The following TMEM117 variants were observed in gnomAD, a reference collection of about 807,000 sequenced individuals.
TMEM117 encodes transmembrane protein 117.
TMEM117 carries 27 observed loss-of-function variants against 52.4 expected under a neutral mutation model. That is an observed-to-expected ratio of 0.51 (90% CI 0.38 to 0.71). The LOEUF (loss-of-function observed/expected upper bound fraction) is 0.71, where lower values mean the gene tolerates loss of function less well. Ranked by LOEUF, TMEM117 falls within the 30% of genes least tolerant of loss-of-function variation. The pLI is 0.00. For synonymous variants in TMEM117, 215 were observed against 206.3 expected (o/e 1.04, Z -0.36); for missense variants, 556 against 630.5 (o/e 0.88, Z 1.26).
At chr12:43,876,255 C>T (rs150172843) in intron 2 of TMEM117, among the ~76,000 whole-genome samples, 1 of 152,114 alleles carries the variant, frequency 6.6e-6, no homozygotes. Flanking sequence ...GGTGTGGTGG[C>T]ATTCTCTGGC....
At chr12:44,365,272 C>A (rs527782825) in intron 6 of TMEM117, among the ~76,000 whole-genome samples, 6 of 152,066 alleles carry the variant, frequency 3.9e-5, no homozygotes, top group African/African-American at 1.4e-4. Flanking sequence ...ATTCCCTCCC[C>A]AGGTGCTCCA....
chr12:44,181,720 T>C lies in TMEM117; in HGVS notation c.511-29570T>C, dbSNP rs1187625881. Reference sequence around the variant, plus strand: ...TCTGTTCCATTGATCTATATCTCTGTTTTGGTACCAGTACCATGCTGTTTT... The same window carrying C: ...TCTGTTCCATTGATCTATATCTCTGCTTTGGTACCAGTACCATGCTGTTTT... On this transcript the variant is annotated intron_variant, in intron 4 of 7. Coordinates refer to ENST00000266534, the MANE Select transcript of TMEM117 (RefSeq NM_032256.3). 8.5e-3 allele frequency among the ~76,000 whole-genome samples: 1,284 copies of C among 151,408 alleles called. 13 individuals are homozygous for C. The highest frequency in any genetic ancestry group is 0.03 in the African/African-American group (1,223 of 41,310).
the TMEM117 span, among the ~76,000 whole-genome samples, chr12:43,809,759 G>A: frequency 6.6e-6 from 1 of 152,018 alleles, no homozygotes; most frequent in East Asian, 1.9e-4. Flanking sequence ...AACCCTTTGG[G>A]TTATAAAAAA....
At chr12:44,297,579 G>A (rs1592674637) in intron 5 of TMEM117, among the ~76,000 whole-genome samples, 1 of 152,254 alleles carries the variant, frequency 6.6e-6, no homozygotes, top group African/African-American at 2.4e-5. Context: ...CCTGTAAAGT[G>A]TATATATTTA....
At position 44,107,915 on chromosome 12, in the gene TMEM117, C is replaced by G. The variant is rs1263396111; in HGVS notation, c.411-35610C>G. 2.0e-5 allele frequency among the ~76,000 whole-genome samples: 3 copies of G among 152,146 alleles called. No homozygotes were observed. In the East Asian group the frequency reaches 5.8e-4, roughly 29 times the overall value. On this transcript the variant is annotated intron_variant, in intron 3 of 7. Coordinates refer to ENST00000266534, the MANE Select transcript of TMEM117 (RefSeq NM_032256.3). ...AAAGTTGCTCATGTCCTGCACTGAA[C>G]CAATTGAATAACACAGCAAAAGAGC...
intron 3 of TMEM117, among the ~76,000 whole-genome samples, chr12:43,945,386 G>A (rs1355891395): frequency 6.6e-6 from 1 of 152,050 alleles, no homozygotes; most frequent in African/African-American, 2.4e-5. Context: ...ACGCGATCTC[G>A]GCTCACTCAC....
chr12:44,391,478 G>A (rs1340032776), downstream of TMEM117, among the ~76,000 whole-genome samples: 3 of 151,952 alleles, frequency 2.0e-5, no homozygotes, highest in African/African-American at 7.3e-5. Context: ...TATTTTTGTA[G>A]TATCAGATTT....
At chr12:44,310,068 A>G (rs1311454305) in intron 6 of TMEM117, among the ~76,000 whole-genome samples, 2 of 152,212 alleles carry the variant, frequency 1.3e-5, no homozygotes, top group East Asian at 3.9e-4. Context: ...TTGTTACAAG[A>G]TTTTTTTGTG....
chr12:44,005,247 G>T (rs1946176117), intron 3 of TMEM117, among the ~76,000 whole-genome samples: 1 of 152,220 alleles, frequency 6.6e-6, no homozygotes, highest in Admixed American at 6.5e-5. Context: ...ATTTCTGGGT[G>T]ATTTGGTAAC....
chr12:44,099,812 A>C lies in TMEM117; in HGVS notation c.411-43713A>C, dbSNP rs573894351. ...CATATGTATATGGAGGAGCACTTTG[A>C]GAAGTCCACCAAAACAAGTGGGATA... On this transcript the variant is annotated intron_variant, in intron 3 of 7. Coordinates refer to ENST00000266534, the MANE Select transcript of TMEM117 (RefSeq NM_032256.3). Among the ~76,000 whole-genome samples, 113 of 152,136 alleles carry C rather than the reference A, an allele frequency of 7.4e-4. 1 individual carries two copies. The Middle Eastern group carries it at 0.014, about 18-fold the overall frequency.
At chr12:44,078,860 GCAC>G (rs1947427550) in intron 3 of TMEM117, among the ~76,000 whole-genome samples, 1 of 85,262 alleles carries the variant, frequency 1.2e-5, no homozygotes, top group Non-Finnish European at 2.4e-5. Context: ...CCCTCCCCTA[GCAC>G]CCCCCCACCC....
intron 3 of TMEM117, among the ~76,000 whole-genome samples, chr12:44,129,677 A>G (rs1004307648): frequency 3.9e-5 from 6 of 152,154 alleles, no homozygotes; most frequent in Non-Finnish European, 8.8e-5. Context: ...GTCATGCATT[A>G]TGTATGTAAA....
At chr12:43,948,653 G>A (rs1945172751) in intron 3 of TMEM117, among the ~76,000 whole-genome samples, 1 of 152,114 alleles carries the variant, frequency 6.6e-6, no homozygotes, top group Admixed American at 6.5e-5. Context: ...AGGAGAAGGT[G>A]CTGATTCTGG....
At chr12:43,865,652 G>C (rs865794940) in intron 2 of TMEM117, among the ~76,000 whole-genome samples, 1 of 150,814 alleles carries the variant, frequency 6.6e-6, no homozygotes, top group East Asian at 1.9e-4. Flanking sequence ...AGCTGATATC[G>C]CACCACTGCA....
At chr12:44,328,351 C>T (rs1302086021) in intron 6 of TMEM117, among the ~76,000 whole-genome samples, 1 of 152,146 alleles carries the variant, frequency 6.6e-6, no homozygotes, top group East Asian at 1.9e-4. Context: ...ATTGAATTAA[C>T]TTCATTTGCC....
chr12:43,950,388 G>C (rs1380900655), intron 3 of TMEM117, among the ~76,000 whole-genome samples: 1 of 151,986 alleles, frequency 6.6e-6, no homozygotes, highest in Non-Finnish European at 1.5e-5. Flanking sequence ...GGAACAAAAT[G>C]ACTTTAAACA....
At chr12:44,032,837 G>A (rs1342342902) in intron 3 of TMEM117, among the ~76,000 whole-genome samples, 1 of 152,116 alleles carries the variant, frequency 6.6e-6, no homozygotes, top group African/African-American at 2.4e-5. Flanking sequence ...GCCTGAAGAA[G>A]TTACAGAAGA....
At chr12:44,042,603 C>T (rs941837850) in intron 3 of TMEM117, among the ~76,000 whole-genome samples, 7 of 152,040 alleles carry the variant, frequency 4.6e-5, no homozygotes, top group Non-Finnish European at 1.0e-4. Context: ...GCCTAGCCTC[C>T]CAGCTTACCT....
chr12:44,280,992 G>C (rs1950570307), intron 5 of TMEM117, among the ~76,000 whole-genome samples: 1 of 152,044 alleles, frequency 6.6e-6, no homozygotes, highest in Non-Finnish European at 1.5e-5. Context: ...CCTTATTTTT[G>C]AGTGAAGTAT....
Sources: allele counts gnomAD v4.1 joint callset (sites outside exome capture counted in the v4.1 genomes callset), GRCh38; gene constraint gnomAD v4.1.1; transcripts MANE v1.5; gene names NCBI Gene and HGNC (gene_info 2026-07-23, HGNC 2026-07-21).